FAM135B: variants seen among roughly 807,000 people sequenced by gnomAD.
FAM135B encodes the protein family with sequence similarity 135 member B.
A neutral mutation model predicts 127.7 loss-of-function variants in FAM135B; 43 were observed. The observed-to-expected ratio is 0.34, with a 90% CI of 0.26 to 0.43. The LOEUF (loss-of-function observed/expected upper bound fraction) is 0.43. FAM135B is among the 20% of genes least tolerant of loss of function. The probability of loss-of-function intolerance (pLI) is 1.00; values close to 1 mark genes in which losing one functional copy is unlikely to be tolerated. For missense variants in FAM135B, 1,558 were observed against 1,725.6 expected (o/e 0.90, Z 1.72); for synonymous variants, 670 against 665.1 (o/e 1.01, Z -0.11).
intron 2 of FAM135B, among the ~76,000 whole-genome samples, chr8:138,359,163 T>G (rs563903271): frequency 2.4e-4 from 37 of 152,246 alleles, no homozygotes; most frequent in African/African-American, 8.2e-4. Context: ...ATGATAATAA[T>G]GTCATTGTAT....
At chr8:138,436,712 G>C (rs1278793318) in intron 1 of FAM135B, 2 of 152,222 alleles carry the variant, frequency 1.3e-5, no homozygotes, top group Non-Finnish European at 2.9e-5. Flanking sequence ...TTTCCAAACA[G>C]TGTGAGCATA....
intron 16 of FAM135B, among the ~76,000 whole-genome samples, chr8:138,142,034 T>A (rs1266069950): frequency 6.6e-6 from 1 of 152,206 alleles, no homozygotes; most frequent in Non-Finnish European, 1.5e-5. Context: ...ACCTAGCTTT[T>A]CTTTTATTCT....
chr8:138,444,599 C>A (rs1835998123), intron 1 of FAM135B, among the ~76,000 whole-genome samples: 1 of 152,094 alleles, frequency 6.6e-6, no homozygotes, highest in Non-Finnish European at 1.5e-5. Flanking sequence ...TTCTTTGAAA[C>A]CCACGAGAAC....
intron 1 of FAM135B, among the ~76,000 whole-genome samples, chr8:138,372,722 G>C (rs764720440): frequency 3.9e-5 from 6 of 152,160 alleles, no homozygotes; most frequent in Non-Finnish European, 8.8e-5. Context: ...CTTTGTTACA[G>C]AAGACATAAC....
At chr8:138,257,656 G>A (rs927914084) in intron 4 of FAM135B, among the ~76,000 whole-genome samples, 20 of 152,136 alleles carry the variant, frequency 1.3e-4, no homozygotes, top group East Asian at 5.8e-4. Context: ...CTTTTCATCC[G>A]TAACCACAAA....
At chr8:138,210,250 A>G (rs937942049) in intron 7 of FAM135B, among the ~76,000 whole-genome samples, 1 of 152,176 alleles carries the variant, frequency 6.6e-6, no homozygotes, top group African/African-American at 2.4e-5. Context: ...TTTTAATTAT[A>G]CAAGGCATTA....
chr8:138,148,692 G>A lies in FAM135B; in HGVS notation c.3282-6C>T, dbSNP rs2130695414. 6.3e-7 allele frequency: 1 copy of A among 1,595,004 alleles called. No homozygotes were observed. The highest frequency in any genetic ancestry group is 8.6e-7 in the Non-Finnish European group (1 of 1,167,962). On this transcript the variant is annotated splice_region_variant and splice_polypyrimidine_tract_variant and intron_variant, in intron 13 of 19. Coordinates refer to ENST00000395297, the MANE Select transcript of FAM135B (RefSeq NM_015912.4). ...TTTCTTTGGCCTGATAAAAACTGGA[G>A]AATACACTAATTAATCACAAGCCAA... is the stretch of plus-strand genomic sequence containing the variant.
intron 1 of FAM135B, among the ~76,000 whole-genome samples, chr8:138,382,579 T>C (rs912214521): frequency 2.6e-5 from 4 of 152,158 alleles, no homozygotes; most frequent in Admixed American, 2.6e-4. Context: ...CCTGCTTTTG[T>C]GTGGTGCCTT....
intron 5 of FAM135B, among the ~76,000 whole-genome samples, chr8:138,256,139 T>TGACAGCTCAGCCCAGGA (rs1554645673): frequency 2.8e-4 from 42 of 151,838 alleles, no homozygotes; most frequent in Non-Finnish European, 5.0e-4. Context: ...TTAGTTGGCC[T>TGACAGCTCAGCCCAGGA]GACAGCTCAG....
chr8:138,474,762 G>A (rs1480628321), intron 1 of FAM135B, among the ~76,000 whole-genome samples: 1 of 152,052 alleles, frequency 6.6e-6, no homozygotes, highest in Admixed American at 6.6e-5. Flanking sequence ...AAATATTTAT[G>A]TACTGTTTGA....
In FAM135B at chr8:138,344,821, T is replaced by C. The variant is rs539206142; in HGVS notation, c.77+23086A>G. Among the ~76,000 whole-genome samples the C allele has an allele frequency of 8.3e-3, 1,267 of 152,210 alleles. 7 individuals carry two copies. Among genetic ancestry groups the C allele is most frequent in the Non-Finnish European group, 0.011 (762 of 68,012 alleles). ...CGATCTCCTGACCTCGTGATCTGCC[T>C]GCCTCGGACTCCCAAAGTGCTGGGA... On this transcript the variant is annotated intron_variant, in intron 2 of 19. Transcript: ENST00000395297.
intron 9 of FAM135B, among the ~76,000 whole-genome samples, chr8:138,180,685 G>T (rs1331728772): frequency 1.3e-5 from 2 of 152,180 alleles, no homozygotes; most frequent in African/African-American, 4.8e-5. Flanking sequence ...TGTAAATGTT[G>T]CATATTTTTG....
chr8:138,227,714 CTTTTTTTTTTTTT>C (rs761660500), intron 7 of FAM135B, among the ~76,000 whole-genome samples: 5 of 81,826 alleles, frequency 6.1e-5, no homozygotes, highest in African/African-American at 1.8e-4. Flanking sequence ...TTTTGTCTCT[CTTTTTTTTTTTTT>C]TTTTTTTTTT....
chr8:138,362,210 A>G (rs1043941591), intron 2 of FAM135B, among the ~76,000 whole-genome samples: 2 of 151,178 alleles, frequency 1.3e-5, no homozygotes, highest in African/African-American at 2.4e-5. Context: ...AAATAGCAGG[A>G]CTTATTCTTT....
chr8:138,138,943 C>G lies in FAM135B; in HGVS notation c.3901+43G>C, dbSNP rs374282935. The G allele has an allele frequency of 7.8e-5, 97 of 1,236,008 alleles. No individual in the cohort carries two copies. The African/African-American group carries it at 1.4e-3, about 18-fold the overall frequency. 76.6% of individuals were successfully genotyped at this position (1,236,008 alleles called of 1,614,324 possible). ...CATTTGTGTCTCAGGAGTTGAATCC[C>G]AAGCTCAAACTCATAACTGCAGCTG... On this transcript the variant is annotated intron_variant, in intron 18 of 19. Transcript: ENST00000395297.
intron 2 of FAM135B, among the ~76,000 whole-genome samples, chr8:138,330,485 C>A (rs1828091332): frequency 6.6e-6 from 1 of 152,262 alleles, no homozygotes; most frequent in Non-Finnish European, 1.5e-5. Context: ...AGGCACTGCC[C>A]TTTTCAAATA....
chr8:138,446,198 A>G (rs1836149133), intron 1 of FAM135B, among the ~76,000 whole-genome samples: 1 of 152,242 alleles, frequency 6.6e-6, no homozygotes, highest in Non-Finnish European at 1.5e-5. Flanking sequence ...ATGGGTAGGA[A>G]GAATCAATAT....
chr8:138,493,078 C>A (rs564870502), intron 1 of FAM135B, among the ~76,000 whole-genome samples: 2 of 152,272 alleles, frequency 1.3e-5, no homozygotes, highest in South Asian at 4.2e-4. Context: ...GCTCACAGTG[C>A]CACTTTCCTT....
At chr8:138,373,898 T>G (rs1831304676) in intron 1 of FAM135B, among the ~76,000 whole-genome samples, 2 of 152,182 alleles carry the variant, frequency 1.3e-5, no homozygotes, top group South Asian at 4.1e-4. Flanking sequence ...CCTGATAAGA[T>G]GTTATCAAAT....
Sources: allele counts gnomAD v4.1 joint callset (sites outside exome capture counted in the v4.1 genomes callset), GRCh38; gene constraint gnomAD v4.1.1; transcripts MANE v1.5; gene names NCBI Gene and HGNC (gene_info 2026-07-23, HGNC 2026-07-21).